The following CDH8 variants were observed in gnomAD, a reference collection of about 807,000 sequenced individuals.
CDH8 encodes cadherin-8.
Under a neutral mutation model 68.1 loss-of-function variants are expected in CDH8, and 17 were observed. The observed-to-expected ratio is 0.25, with a 90% CI of 0.17 to 0.37. The LOEUF is 0.37. CDH8 is among the 10% of genes least tolerant of loss of function. The pLI, the probability that CDH8 is intolerant of heterozygous loss-of-function variation, is 1.00. For synonymous variants in CDH8, 372 were observed against 365.1 expected (o/e 1.02, Z -0.21); for missense variants, 763 against 999.3 (o/e 0.76, Z 3.19).
intron 8 of CDH8, among the ~76,000 whole-genome samples, chr16:61,788,835 TA>T (rs896829879): frequency 1.3e-4 from 20 of 152,044 alleles, no homozygotes; most frequent in African/African-American, 4.8e-4. Context: ...GATTACTGTG[TA>T]AAATACATTA....
intron 2 of CDH8, among the ~76,000 whole-genome samples, chr16:61,951,213 A>G (rs1964891922): frequency 6.6e-6 from 1 of 152,134 alleles, no homozygotes; most frequent in Non-Finnish European, 1.5e-5. Context: ...CAATACATGT[A>G]TAAAAGATGC....
intron 3 of CDH8, among the ~76,000 whole-genome samples, chr16:61,858,782 G>C (rs192455597): frequency 7.9e-5 from 12 of 152,278 alleles, no homozygotes; most frequent in African/African-American, 2.9e-4. Context: ...GAGGAAATGG[G>C]CCAAGCTTTT....
At chr16:61,720,699 G>A (rs1484147928) in intron 9 of CDH8, among the ~76,000 whole-genome samples, 1 of 150,614 alleles carries the variant, frequency 6.6e-6, no homozygotes, top group Non-Finnish European at 1.5e-5. Flanking sequence ...GTGAAGTATG[G>A]ATCTTTCTTT....
intron 10 of CDH8, chr16:61,692,621 CT>C (rs1964251156): frequency 6.7e-6 from 1 of 150,056 alleles, no homozygotes. Context: ...TCTTATTTTC[CT>C]TGAGATTTCC....
chr16:61,763,823 T>C (rs1960524702), intron 8 of CDH8, among the ~76,000 whole-genome samples: 1 of 152,106 alleles, frequency 6.6e-6, no homozygotes, highest in Non-Finnish European at 1.5e-5. Flanking sequence ...GTGAGGATTC[T>C]GTATAATTTC....
chr16:61,902,664 A>T (rs934930476), intron 2 of CDH8, among the ~76,000 whole-genome samples: 1 of 151,980 alleles, frequency 6.6e-6, no homozygotes, highest in Non-Finnish European at 1.5e-5. Flanking sequence ...TTTTATTCAG[A>T]ACAGCCTCTT....
chr16:62,031,677 A>AACACACACACAC (rs10528241), intron 1 of CDH8, among the ~76,000 whole-genome samples: 128 of 150,032 alleles, frequency 8.5e-4, no homozygotes, highest in African/African-American at 3.0e-3. Context: ...CACACCCACA[A>AACACACACACAC]ACACACACAC....
In CDH8 at chr16:61,650,696, TGTGTGTGTGTGAGAGA is replaced by T. The variant is rs1000857449; in HGVS notation, c.*2896_*2911del. On this transcript the variant is annotated 3_prime_UTR_variant, in exon 12 of 12. Coordinates refer to ENST00000577390, the MANE Select transcript of CDH8 (RefSeq NM_001796.5). ...TTGTGTGTGTGTGTGTGTGTGTGTGTGTGTGTGTGTGAGAGAGAGAGAGAGAGAGAGAGAGAAAGAG... is the reference window on the plus strand; with the variant it reads ...TTGTGTGTGTGTGTGTGTGTGTGTGTGAGAGAGAGAGAGAGAGAGAAAGAG... 1.8e-5 allele frequency: 2 copies of T among 110,608 alleles called. No individual in the cohort carries two copies. The highest frequency in any genetic ancestry group is 3.8e-5 in the African/African-American group (1 of 26,226). The allele number at this position is 110,608 out of a possible 1,614,324, so 6.9% of individuals were successfully genotyped here. A position where few individuals can be genotyped will look rare whatever the true frequency, so the allele number is the denominator to read the frequency against.
chr16:61,707,263 A>T (rs557282383), intron 10 of CDH8, among the ~76,000 whole-genome samples: 1 of 152,320 alleles, frequency 6.6e-6, no homozygotes, highest in Non-Finnish European at 1.5e-5. Context: ...TATTATCACC[A>T]ATTTGTCAGT....
chr16:61,837,751 G>A (rs548089373), intron 4 of CDH8, among the ~76,000 whole-genome samples: 9 of 152,160 alleles, frequency 5.9e-5, no homozygotes, highest in African/African-American at 1.7e-4. Flanking sequence ...TTCATTACTA[G>A]TGGTCCTTAC....
At chr16:62,035,349 C>T (rs1567577837) in intron 1 of CDH8, among the ~76,000 whole-genome samples, 1 of 152,174 alleles carries the variant, frequency 6.6e-6, no homozygotes, top group African/African-American at 2.4e-5. Flanking sequence ...AAGGGGGCCT[C>T]CGTGCACGCA....
At chr16:61,768,520 G>A (rs1014202731) in intron 8 of CDH8, among the ~76,000 whole-genome samples, 1 of 150,850 alleles carries the variant, frequency 6.6e-6, no homozygotes, top group East Asian at 2.0e-4. Flanking sequence ...TAATACAAAG[G>A]AGTTATCAAT....
intron 1 of CDH8, among the ~76,000 whole-genome samples, chr16:62,026,693 TG>T (rs1902205631): frequency 6.6e-6 from 1 of 152,228 alleles, no homozygotes; most frequent in South Asian, 2.1e-4. Flanking sequence ...CTGAGCTAAC[TG>T]GTGTGTTCAC....
intron 2 of CDH8, among the ~76,000 whole-genome samples, chr16:61,967,061 TGTG>T (rs1487469926): frequency 6.6e-6 from 1 of 151,976 alleles, no homozygotes. Context: ...AATAGCCAAG[TGTG>T]GTGGCACACA....
intron 4 of CDH8, among the ~76,000 whole-genome samples, chr16:61,835,094 T>A (rs187552972): frequency 6.6e-6 from 1 of 151,986 alleles, no homozygotes; most frequent in Non-Finnish European, 1.5e-5. Context: ...CCCAGCATCT[T>A]AATATGATTC....
At chr16:61,762,552 C>A (rs554223198) in intron 8 of CDH8, among the ~76,000 whole-genome samples, 7 of 152,132 alleles carry the variant, frequency 4.6e-5, no homozygotes, top group Non-Finnish European at 1.0e-4. Flanking sequence ...GTGGACTACA[C>A]TGCAGTATGA....
At chr16:61,767,412 C>A (rs952674545) in intron 8 of CDH8, among the ~76,000 whole-genome samples, 1 of 151,942 alleles carries the variant, frequency 6.6e-6, no homozygotes, top group African/African-American at 2.4e-5. Flanking sequence ...TGTCTGAGTT[C>A]TGGCTATATC....
chr16:61,699,258 G>T lies in CDH8; in HGVS notation c.1654+14583C>A, dbSNP rs923550486. On this transcript the variant is annotated intron_variant, in intron 10 of 11. Transcript: ENST00000577390. ...CTCCACGTTTTAGTCTCAAAAACAGGATCTAGAACATAATCTGATAAGGCA... is the reference window on the plus strand; with the variant it reads ...CTCCACGTTTTAGTCTCAAAAACAGTATCTAGAACATAATCTGATAAGGCA... Among the ~76,000 whole-genome samples, 5 of 152,154 alleles carry T rather than the reference G, an allele frequency of 3.3e-5. No homozygotes were observed. The East Asian group carries it at 9.6e-4, about 29-fold the overall frequency.
chr16:61,881,412 G>A (rs1280413034), intron 3 of CDH8, among the ~76,000 whole-genome samples: 1 of 151,974 alleles, frequency 6.6e-6, no homozygotes, highest in Non-Finnish European at 1.5e-5. Context: ...AGAGAGGGTA[G>A]GGGTTGTGGA....
Sources: gnomAD v4.1 joint callset for allele counts (sites outside exome capture counted in the v4.1 genomes callset) on GRCh38, gnomAD v4.1.1 for gene constraint, MANE v1.5 for transcripts, NCBI Gene and HGNC (gene_info 2026-07-23, HGNC 2026-07-21) for gene names.